Variants in CRACD observed in about 807,000 individuals in gnomAD.
CRACD encodes capping protein inhibiting regulator of actin dynamics.
A neutral mutation model predicts 106.8 loss-of-function variants in CRACD; 56 were observed. That is an observed-to-expected ratio of 0.52 (90% CI 0.42 to 0.66). The LOEUF (loss-of-function observed/expected upper bound fraction) is 0.66. Ranked by LOEUF, CRACD falls within the 30% of genes least tolerant of loss-of-function variation. The probability of loss-of-function intolerance (pLI) is 0.00; values close to 1 mark genes in which losing one functional copy is unlikely to be tolerated. For missense variants in CRACD, 1,730 were observed against 1,623.2 expected (o/e 1.07, Z -1.13); for synonymous variants, 754 against 670.8 (o/e 1.12, Z -1.92).
At position 56,228,295 on chromosome 4, in the gene CRACD, A is replaced by G. The variant is rs373461869; in HGVS notation, c.-188-44026A>G. 5.4e-4 allele frequency among the ~76,000 whole-genome samples: 82 copies of G among 152,314 alleles called. 1 individual carries two copies. The highest frequency in any genetic ancestry group is 3.2e-3 in the Admixed American group (49 of 15,298). ...TTATAACACTCTTTATGAGAAAAAA[A>G]TTTGGTCTTCTAACAGAAACAAGAC... On this transcript the variant is annotated intron_variant, in intron 2 of 10. Coordinates refer to ENST00000682029, the MANE Select transcript of CRACD (RefSeq NM_001393381.1).
chr4:56,202,952 C>A (rs972896046), intron 2 of CRACD, among the ~76,000 whole-genome samples: 5 of 151,954 alleles, frequency 3.3e-5, no homozygotes, highest in African/African-American at 1.2e-4. Flanking sequence ...TTTGCTTCAC[C>A]CTAATCAGTT....
At chr4:56,092,071 A>G (rs746825657) in intron 1 of CRACD, among the ~76,000 whole-genome samples, 5 of 152,228 alleles carry the variant, frequency 3.3e-5, no homozygotes, top group African/African-American at 9.6e-5. Flanking sequence ...AAGATTGTCA[A>G]TGAACAGTGA....
intron 1 of CRACD, among the ~76,000 whole-genome samples, chr4:56,133,843 C>A (rs1322811817): frequency 6.6e-6 from 1 of 152,116 alleles, no homozygotes; most frequent in African/African-American, 2.4e-5. Context: ...TACAAAAATA[C>A]TTTGGGGCAA....
chr4:56,315,697 G>T lies in CRACD; in HGVS notation c.2195G>T (p.Gly732Val), dbSNP rs1560537796. 1.9e-6 allele frequency: 3 copies of T among 1,614,186 alleles called. No individual in the cohort carries two copies. Among genetic ancestry groups the T allele is most frequent in the Non-Finnish European group, 2.5e-6 (3 of 1,180,040 alleles). The change falls in exon 8 of 11, where the codon GGC (glycine) becomes GTC (valine). Residue 732 changes from glycine (G) to valine (V), a missense_variant. This residue lies in a region of CRACD where 1,620 missense variants were observed against 1,481.6 expected (regional missense o/e 1.09). Coordinates refer to ENST00000682029, the MANE Select transcript of CRACD (RefSeq NM_001393381.1). This position sits in a 1 kb window ranked among gnomAD's most constrained non-coding sequence, Gnocchi z 4.1. ...GCCTGGCAGAAATTTTCCGATGGTGGCACGGAGACCTCCAAACAGAGCACG... is the reference window on the plus strand; with the variant it reads ...GCCTGGCAGAAATTTTCCGATGGTGTCACGGAGACCTCCAAACAGAGCACG... ...MPAWQKFSDGGTETSKQSTEA... is the reference protein window; with the variant it reads ...MPAWQKFSDGVTETSKQSTEA...
At chr4:56,126,017 T>A (rs1219100608) in intron 1 of CRACD, among the ~76,000 whole-genome samples, 1 of 151,930 alleles carries the variant, frequency 6.6e-6, no homozygotes, top group Non-Finnish European at 1.5e-5. Context: ...GGTGATCTGC[T>A]CACCTCGGCC....
chr4:56,131,263 C>T (rs1261230425), intron 1 of CRACD, among the ~76,000 whole-genome samples: 2 of 152,154 alleles, frequency 1.3e-5, no homozygotes, highest in Non-Finnish European at 2.9e-5. Context: ...TTCCTCATCT[C>T]GATTAAGTGC....
At chr4:56,198,233 C>T (rs1293682287) in intron 2 of CRACD, among the ~76,000 whole-genome samples, 1 of 152,190 alleles carries the variant, frequency 6.6e-6, no homozygotes, top group Non-Finnish European at 1.5e-5. Context: ...CACCATACGT[C>T]TTAAGCTATC....
chr4:56,103,589 T>G (rs1257829276), intron 1 of CRACD, among the ~76,000 whole-genome samples: 3 of 152,206 alleles, frequency 2.0e-5, no homozygotes, highest in Admixed American at 1.3e-4. Context: ...CAAACATGCA[T>G]TCTATCTATG....
chr4:56,160,148 A>G (rs1215656930), intron 1 of CRACD, among the ~76,000 whole-genome samples: 1 of 151,204 alleles, frequency 6.6e-6, no homozygotes, highest in African/African-American at 2.4e-5. Context: ...AAGCAATTAT[A>G]CCAGAAAAAT....
intron 9 of CRACD, among the ~76,000 whole-genome samples, chr4:56,323,799 A>T (rs2109799311): frequency 6.6e-6 from 1 of 152,362 alleles, no homozygotes; most frequent in African/African-American, 2.4e-5. Flanking sequence ...CGATACGCTT[A>T]CAACAGTGAT....
At position 56,099,167 on chromosome 4, in the gene CRACD, T is replaced by C. The variant is rs187041701; in HGVS notation, c.-336+49868T>C. ...CAAAGTTTATTTTGAAAACTTTGTC[T>C]TTCAAGAGTATTGTAGCTACCTTCA... On this transcript the variant is annotated intron_variant, in intron 1 of 10. Transcript: ENST00000682029. Among the ~76,000 whole-genome samples the C allele has an allele frequency of 5.9e-5, 9 of 152,312 alleles. No homozygotes were observed. In the East Asian group the frequency reaches 1.5e-3, roughly 26 times the overall value.
At chr4:56,166,336 AT>A (rs1227779252) in intron 1 of CRACD, among the ~76,000 whole-genome samples, 2 of 152,192 alleles carry the variant, frequency 1.3e-5, no homozygotes, top group African/African-American at 4.8e-5. Context: ...AATGAATACA[AT>A]GGGAAGATCC....
chr4:56,173,574 C>T (rs1051236967), intron 1 of CRACD, among the ~76,000 whole-genome samples: 1 of 152,118 alleles, frequency 6.6e-6, no homozygotes, highest in African/African-American at 2.4e-5. Flanking sequence ...TGAGAAGAAA[C>T]TGAAGAAAGG....
At chr4:56,256,672 G>A (rs1226575812) in intron 2 of CRACD, among the ~76,000 whole-genome samples, 1 of 152,164 alleles carries the variant, frequency 6.6e-6, no homozygotes, top group Non-Finnish European at 1.5e-5. Flanking sequence ...GCTTGAGCAG[G>A]CCCCGAGGGC....
intron 1 of CRACD, among the ~76,000 whole-genome samples, chr4:56,148,104 A>G (rs1400361339): frequency 1.3e-5 from 2 of 152,110 alleles, no homozygotes; most frequent in South Asian, 4.1e-4. Flanking sequence ...AAACCTGCCA[A>G]CACCTTGATC....
intron 1 of CRACD, among the ~76,000 whole-genome samples, chr4:56,094,801 G>A (rs1733540645): frequency 6.6e-6 from 1 of 152,002 alleles, no homozygotes; most frequent in South Asian, 2.1e-4. Flanking sequence ...GGTAATAAAA[G>A]CAAAGATATG....
At chr4:56,164,858 A>G (rs147917767) in intron 1 of CRACD, among the ~76,000 whole-genome samples, 2,535 of 152,308 alleles carry the variant, frequency 0.017, 29 homozygotes, top group Admixed American at 0.042. Context: ...GAATCGACCT[A>G]AAAGGTTCTA....
chr4:56,166,172 A>G (rs1443997215), intron 1 of CRACD, among the ~76,000 whole-genome samples: 1 of 152,166 alleles, frequency 6.6e-6, no homozygotes, highest in African/African-American at 2.4e-5. Flanking sequence ...ATAAATTAAT[A>G]TAGTTTGGAA....
At position 56,161,434 on chromosome 4, in the gene CRACD, C is replaced by G. The variant is rs186747226; in HGVS notation, c.-335-17850C>G. Among the ~76,000 whole-genome samples, 699 of 151,982 alleles carry G rather than the reference C, an allele frequency of 4.6e-3. 3 individuals carry two copies. Among genetic ancestry groups the G allele is most frequent in the South Asian group, 0.017 (84 of 4,808 alleles). ...TATTCACATTACTAGCAAATGAAAT[C>G]TCTTCATTTTTAAACTCTTAATTTT... On this transcript the variant is annotated intron_variant, in intron 1 of 10. Coordinates refer to ENST00000682029, the MANE Select transcript of CRACD (RefSeq NM_001393381.1).
Sources: allele counts gnomAD v4.1 joint callset (sites outside exome capture counted in the v4.1 genomes callset), GRCh38; gene constraint gnomAD v4.1.1; regional missense constraint gnomAD v4.1.1; non-coding constraint Gnocchi (gnomAD v3.1); transcripts MANE v1.5; gene names NCBI Gene and HGNC (gene_info 2026-07-23, HGNC 2026-07-21).